The following CERS4 variants were observed in gnomAD, a reference collection of about 807,000 sequenced individuals.
CERS4 encodes the protein LAG1 homolog, ceramide synthase 4.
Under a neutral mutation model 51.8 loss-of-function variants are expected in CERS4, and 65 were observed. The ratio of observed to expected loss-of-function variants is 1.26; its 90% CI spans 1.03 to 1.54. CERS4 has a LOEUF of 1.54. CERS4 is among the 40% of genes most tolerant of loss of function. The probability of loss-of-function intolerance (pLI) is 0.00; values close to 1 mark genes in which losing one functional copy is unlikely to be tolerated. For missense variants in CERS4, 563 were observed against 500.4 expected, an observed-to-expected ratio of 1.13 and a Z score of -1.19; for synonymous variants, 228 against 208.4, an observed-to-expected ratio of 1.09 and a Z score of -0.81.
chr19:8,249,186 T>G (rs1599572421), intron 2 of CERS4, among the ~76,000 whole-genome samples: 1 of 122,804 alleles, frequency 8.1e-6, no homozygotes. Flanking sequence ...TGGACAGATG[T>G]TTGGATGGGT....
intron 2 of CERS4, among the ~76,000 whole-genome samples, chr19:8,218,305 T>A (rs950277220): frequency 1.3e-5 from 2 of 152,090 alleles, no homozygotes; most frequent in South Asian, 4.1e-4. Flanking sequence ...CTTCAAGACT[T>A]CCTGGAGGCA....
chr19:8,246,276 G>A (rs887555624), intron 2 of CERS4, among the ~76,000 whole-genome samples: 4 of 152,064 alleles, frequency 2.6e-5, no homozygotes, highest in African/African-American at 9.7e-5. Flanking sequence ...GATGTGTGCG[G>A]GCCAGGCGCA....
intron 2 of CERS4, among the ~76,000 whole-genome samples, chr19:8,249,901 T>C (rs1968989722): frequency 6.6e-6 from 1 of 152,252 alleles, no homozygotes; most frequent in East Asian, 1.9e-4. Context: ...CTGGATTTCT[T>C]TAAATCCTTC....
intron 2 of CERS4, among the ~76,000 whole-genome samples, chr19:8,249,085 G>T (rs1968933199): frequency 6.6e-6 from 1 of 150,392 alleles, no homozygotes; most frequent in Non-Finnish European, 1.5e-5. Flanking sequence ...TGGATAGACA[G>T]ATGTTTTGAT....
chr19:8,237,310 G>A lies in CERS4; in HGVS notation c.-1-13766G>A, dbSNP rs118014958. On this transcript the variant is annotated intron_variant, in intron 2 of 11. Coordinates refer to ENST00000251363, the MANE Select transcript of CERS4 (RefSeq NM_024552.3). Reference sequence around the variant, plus strand: ...CTCATGCCTGTACTCTCAGCACTTTGGGAGGCGGAGGCGGGCAGACCACCT... The same window carrying A: ...CTCATGCCTGTACTCTCAGCACTTTAGGAGGCGGAGGCGGGCAGACCACCT... Among the ~76,000 whole-genome samples the A allele has an allele frequency of 1.2e-3, 179 of 152,166 alleles. 2 individuals are homozygous for A. The East Asian group carries it at 0.029, about 25-fold the overall frequency.
chr19:8,249,040 G>C (rs908968273), intron 2 of CERS4, among the ~76,000 whole-genome samples: 1 of 150,360 alleles, frequency 6.7e-6, no homozygotes, highest in African/African-American at 2.5e-5. Context: ...TGGATGATGG[G>C]TAGATGAGTG....
intron 2 of CERS4, among the ~76,000 whole-genome samples, chr19:8,233,290 C>T (rs565976852): frequency 2.6e-5 from 4 of 151,970 alleles, no homozygotes; most frequent in Admixed American, 1.3e-4. Flanking sequence ...CTCAGCCTCC[C>T]GAGTAGCTGG....
chr19:8,255,149 G>A (rs1014042891), intron 4 of CERS4, among the ~76,000 whole-genome samples: 1 of 152,140 alleles, frequency 6.6e-6, no homozygotes, highest in African/African-American at 2.4e-5. Context: ...GTGGGGTGGG[G>A]AATGGTGAAG....
At chr19:8,246,893 C>T (rs1034498658) in intron 2 of CERS4, among the ~76,000 whole-genome samples, 17 of 152,002 alleles carry the variant, frequency 1.1e-4, no homozygotes, top group East Asian at 1.9e-4. Context: ...AGGCCGGGCG[C>T]GGTGGCTCAT....
chr19:8,248,005 A>G (rs1968866210), intron 2 of CERS4, among the ~76,000 whole-genome samples: 1 of 152,066 alleles, frequency 6.6e-6, no homozygotes, highest in South Asian at 2.1e-4. Context: ...AAGTGCTGGG[A>G]TTACAGGTGT....
At chr19:8,259,140 A>C (rs1969547787) in intron 10 of CERS4, among the ~76,000 whole-genome samples, 1 of 152,034 alleles carries the variant, frequency 6.6e-6, no homozygotes, top group Admixed American at 6.6e-5. Context: ...TCTCTAAATA[A>C]AAAAAAGTCA....
chr19:8,239,515 G>A (rs2145240417), intron 2 of CERS4: 1 of 152,418 alleles, frequency 6.6e-6, no homozygotes, highest in East Asian at 1.9e-4. Context: ...TTAATCAGCA[G>A]AGGTAGGCCT....
At chr19:8,224,434 C>A (rs1967701562) in intron 2 of CERS4, among the ~76,000 whole-genome samples, 1 of 151,808 alleles carries the variant, frequency 6.6e-6, no homozygotes, top group Non-Finnish European at 1.5e-5. Context: ...AATTGTTGCC[C>A]CAAAAGTTCT....
At chr19:8,261,533 C>A in intron 10 of CERS4, 155 bp from the exon 11 acceptor site, 1 of 813,058 alleles carries the variant, frequency 1.2e-6, no homozygotes, top group Non-Finnish European at 2.0e-6. Flanking sequence ...GCCTCGCGTG[C>A]CCAGCTCAAG....
intron 10 of CERS4, among the ~76,000 whole-genome samples, chr19:8,259,324 A>C (rs1413881308): frequency 2.0e-5 from 3 of 152,134 alleles, no homozygotes; most frequent in African/African-American, 7.2e-5. Flanking sequence ...GCCTGAGGCA[A>C]GACCATGCCC....
chr19:8,257,920 C>A lies in CERS4; in HGVS notation c.783C>A (p.Cys261Ter). Residue 261 changes from cysteine (C) to a stop codon, truncating the protein, a stop_gained, in exon 10 of 12, where the codon TGC becomes TGA. Coordinates refer to ENST00000251363, the MANE Select transcript of CERS4 (RefSeq NM_024552.3). LOFTEE classifies it high-confidence loss of function. ...ACTACATGCAGTATCAGCAAGTGTG[C>A]GACGCTCTCTTCCTCATCTTCTCCT... Reference protein sequence around the residue: ...MVNYMQYQQVCDALFLIFSFV... With the variant: ...MVNYMQYQQV 6.2e-7 allele frequency: 1 copy of A among 1,613,896 alleles called. No homozygotes were observed. Among genetic ancestry groups the A allele is most frequent in the South Asian group, 1.1e-5 (1 of 91,076 alleles).
At chr19:8,253,523 G>A (rs1038283949) in intron 3 of CERS4, among the ~76,000 whole-genome samples, 2 of 147,500 alleles carry the variant, frequency 1.4e-5, no homozygotes, top group South Asian at 2.1e-4. Flanking sequence ...GCAGTGGTGC[G>A]ATCTCGACTC....
intron 2 of CERS4, chr19:8,224,878 C>G (rs1967721219): frequency 6.6e-6 from 1 of 152,340 alleles, no homozygotes. Flanking sequence ...AGAATTTTGT[C>G]CCTGAAGACT....
intron 10 of CERS4, among the ~76,000 whole-genome samples, chr19:8,259,537 C>T (rs545263296): frequency 6.6e-6 from 1 of 152,102 alleles, no homozygotes; most frequent in Admixed American, 6.6e-5. Flanking sequence ...TGCCCTTTGG[C>T]AGCTGCAGGG....
Sources: gnomAD v4.1 joint callset for allele counts (sites outside exome capture counted in the v4.1 genomes callset) on GRCh38, gnomAD v4.1.1 for gene constraint, MANE v1.5 for transcripts, NCBI Gene and HGNC (gene_info 2026-07-23, HGNC 2026-07-21) for gene names.